The following IMPG2 variants were observed in gnomAD, a reference collection of about 807,000 sequenced individuals.
IMPG2 encodes the protein IPM 200.
A neutral mutation model predicts 129.2 loss-of-function variants in IMPG2; 91 were observed. The observed-to-expected ratio is 0.70, with a 90% confidence interval of 0.59 to 0.84. The LOEUF (loss-of-function observed/expected upper bound fraction) is 0.84. Ranked by LOEUF, IMPG2 falls within the 40% of genes least tolerant of loss-of-function variation. The pLI is 0.00. For missense variants in IMPG2, 1,430 were observed against 1,461.7 expected (o/e 0.98, Z 0.35); for synonymous variants, 510 against 517.7 (o/e 0.99, Z 0.20).
Position 101,304,137 on chromosome 3 carries a change from G to T in IMPG2, c.501+9C>A, listed in dbSNP as rs771446256. On this transcript the variant is annotated intron_variant, in intron 3 of 18. Transcript: ENST00000193391. ...GTCCAGGAATCCCTTCCTTTGTTGT[G>T]ACACTTACCTTCATGATTAAGCTTC... 7.4e-6 allele frequency: 12 copies of T among 1,613,418 alleles called. No individual in the cohort carries two copies. The highest frequency in any genetic ancestry group is 6.8e-6 in the Non-Finnish European group (8 of 1,179,448).
intron 14 of IMPG2, among the ~76,000 whole-genome samples, chr3:101,235,104 T>A (rs147624055): frequency 0.019 from 2,842 of 152,352 alleles, 84 homozygotes; most frequent in African/African-American, 0.065. Context: ...AGACAAAGTT[T>A]GTGTATATTG....
chr3:101,305,265 T>C (rs1018215660), intron 2 of IMPG2, among the ~76,000 whole-genome samples: 10 of 152,116 alleles, frequency 6.6e-5, no homozygotes, highest in African/African-American at 2.4e-4. Context: ...GTGATTCCAA[T>C]ATCATTCTGG....
intron 14 of IMPG2, among the ~76,000 whole-genome samples, chr3:101,239,254 C>T (rs1045520240): frequency 6.6e-6 from 1 of 152,098 alleles, no homozygotes; most frequent in African/African-American, 2.4e-5. Flanking sequence ...ACACAAACAA[C>T]CCAATCAAAA....
chr3:101,294,067 T>TTTTA (rs925358831), intron 3 of IMPG2, among the ~76,000 whole-genome samples: 6 of 152,146 alleles, frequency 3.9e-5, no homozygotes, highest in South Asian at 2.1e-4. Context: ...TTAAATTTAT[T>TTTTA]TTTATTTATT....
intron 10 of IMPG2, 53 bp downstream of exon 10, chr3:101,257,476 A>G: frequency 6.2e-7 from 1 of 1,602,668 alleles, no homozygotes; most frequent in South Asian, 1.1e-5. Flanking sequence ...TTTACACCAG[A>G]GCATACTGGA....
At chr3:101,229,986 C>A (rs1264997323) in intron 16 of IMPG2, among the ~76,000 whole-genome samples, 1 of 152,146 alleles carries the variant, frequency 6.6e-6, no homozygotes, top group Non-Finnish European at 1.5e-5. Flanking sequence ...ATATTACGGT[C>A]TAGGGGAAGC....
intron 4 of IMPG2, among the ~76,000 whole-genome samples, chr3:101,286,096 C>T (rs1706943226): frequency 6.6e-6 from 1 of 152,038 alleles, no homozygotes; most frequent in Non-Finnish European, 1.5e-5. Context: ...TAATTTCCTT[C>T]TCTTTAAGAG....
At chr3:101,293,840 C>T (rs970657814) in intron 3 of IMPG2, among the ~76,000 whole-genome samples, 3 of 152,194 alleles carry the variant, frequency 2.0e-5, no homozygotes, top group Non-Finnish European at 2.9e-5. Context: ...ACTACATAAA[C>T]CAACCTCTGC....
intron 2 of IMPG2, among the ~76,000 whole-genome samples, chr3:101,308,385 C>T (rs920243774): frequency 1.6e-4 from 25 of 152,274 alleles, no homozygotes; most frequent in Non-Finnish European, 2.9e-5. Flanking sequence ...AGACATTTCA[C>T]TACATCCTCT....
intron 14 of IMPG2, among the ~76,000 whole-genome samples, chr3:101,237,693 A>G (rs759646075): frequency 2.0e-5 from 3 of 152,196 alleles, no homozygotes; most frequent in Non-Finnish European, 4.4e-5. Flanking sequence ...AAGGACGTCC[A>G]GACACAGAAA....
At chr3:101,263,857 CAAA>C (rs769631265) in intron 9 of IMPG2, among the ~76,000 whole-genome samples, 62 of 64,402 alleles carry the variant, frequency 9.6e-4, no homozygotes, top group Admixed American at 3.4e-3. Flanking sequence ...TCTACAGATT[CAAA>C]AAAAAAAAAA....
intron 11 of IMPG2, among the ~76,000 whole-genome samples, chr3:101,249,061 TC>T (rs1297863613): frequency 1.3e-5 from 2 of 152,176 alleles, no homozygotes; most frequent in Non-Finnish European, 2.9e-5. Context: ...TAGCTGTGCT[TC>T]TCCCTCCACA....
intron 8 of IMPG2, 53 bp downstream of exon 8, chr3:101,269,462 T>C: frequency 2.0e-6 from 2 of 983,694 alleles, no homozygotes; most frequent in East Asian, 2.4e-5. Flanking sequence ...GGACATTCCA[T>C]TCAGAATAAA....
At chr3:101,242,643 T>A (rs751352359) in intron 14 of IMPG2, 45 bp downstream of exon 14, 2 of 1,357,182 alleles carry the variant, frequency 1.5e-6, no homozygotes, top group Non-Finnish European at 2.1e-6. Context: ...ACAAGAATAA[T>A]CACTGGATTC....
chr3:101,290,554 G>A (rs995132633), intron 4 of IMPG2, among the ~76,000 whole-genome samples: 1 of 152,014 alleles, frequency 6.6e-6, no homozygotes, highest in Non-Finnish European at 1.5e-5. Context: ...CCACACCCAA[G>A]AGACCACTTG....
At chr3:101,293,469 G>A (rs997758440) in intron 3 of IMPG2, among the ~76,000 whole-genome samples, 1 of 152,192 alleles carries the variant, frequency 6.6e-6, no homozygotes, top group African/African-American at 2.4e-5. Context: ...CAGATGTGGT[G>A]CCATCAGACT....
chr3:101,314,580 T>C (rs1037105283), intron 2 of IMPG2, among the ~76,000 whole-genome samples: 9 of 152,106 alleles, frequency 5.9e-5, no homozygotes, highest in African/African-American at 2.2e-4. Context: ...CTAACTTCTA[T>C]CACCCCAGGC....
In IMPG2 at chr3:101,257,600, G is replaced by A; in HGVS notation, c.1082C>T (p.Thr361Ile). 1.9e-6 allele frequency: 3 copies of A among 1,613,150 alleles called. No homozygotes were observed. The highest frequency in any genetic ancestry group is 2.5e-6 in the Non-Finnish European group (3 of 1,179,322). Residue 361 changes from threonine to isoleucine, a missense_variant, in exon 10 of 19, where the codon ACA becomes ATA. Physicochemically the swap from Thr to Ile is moderately conservative, Grantham distance 89 (BLOSUM62 -1). Transcript: ENST00000193391. ...CCCCAGCAAAAAATTCTGCTGCAATGTCTCAGCAATATAATCTCTGAAGTT... is the reference window on the plus strand; with the variant it reads ...CCCCAGCAAAAAATTCTGCTGCAATATCTCAGCAATATAATCTCTGAAGTT... Reference protein sequence around the residue: ...ISNFRDYIAETLQQNFLLGNS... With the variant: ...ISNFRDYIAEILQQNFLLGNS...
At position 101,244,529 on chromosome 3, in the gene IMPG2, A is replaced by T. The variant is rs138793555; in HGVS notation, c.1802T>A (p.Leu601Ter). The T allele has an allele frequency of 1.6e-5, 26 of 1,599,800 alleles. No homozygotes were observed. Among genetic ancestry groups the T allele is most frequent in the Non-Finnish European group, 2.2e-5 (26 of 1,172,600 alleles). The change falls in exon 13 of 19, where the codon TTA becomes TAA. Residue 601 changes from leucine to a stop codon, truncating the protein, a stop_gained. Coordinates refer to ENST00000193391, the MANE Select transcript of IMPG2 (RefSeq NM_016247.4). LOFTEE classifies it high-confidence loss of function. ...TACCTTTTGCCCAGACCCTGAACCTAAACCACCGTCAAATATTAACTCTTT... is the reference window on the plus strand; with the variant it reads ...TACCTTTTGCCCAGACCCTGAACCTTAACCACCGTCAAATATTAACTCTTT... Reference protein sequence around the residue: ...MEKELIFDGGLGSGSGQKVDL... With the variant: ...MEKELIFDGG
Sources: allele counts gnomAD v4.1 joint callset (sites outside exome capture counted in the v4.1 genomes callset), GRCh38; gene constraint gnomAD v4.1.1; transcripts MANE v1.5; gene names NCBI Gene and HGNC (gene_info 2026-07-23, HGNC 2026-07-21).